The following SETD5 variants were observed in gnomAD, a reference collection of about 807,000 sequenced individuals.
SETD5 encodes SET domain containing 5, also known as histone-lysine N-methyltransferase SETD5.
A neutral mutation model predicts 153.3 loss-of-function variants in SETD5; 44 were observed. That is an observed-to-expected ratio of 0.29 (90% CI 0.23 to 0.37). SETD5 has a LOEUF of 0.37. SETD5 is among the 10% of genes least tolerant of loss of function. SETD5 has a pLI of 1.00. For missense variants in SETD5, 1,544 were observed against 1,768.0 expected (o/e 0.87, Z 2.27); for synonymous variants, 716 against 645.2 (o/e 1.11, Z -1.66).
rs776240013 is a variant in SETD5 at position 9,445,682 on chromosome 3, CAGA to C, written c.1473_1475del (p.Glu492del). On this transcript the variant is annotated inframe_deletion, in exon 13 of 23. Coordinates refer to ENST00000402198, the MANE Select transcript of SETD5 (RefSeq NM_001080517.3). The stretch of plus-strand genomic sequence containing the variant: ...GAAGTAGACAATCCAGAAGAAAAAC[CAGA>C]AGAAGAGAAAGAAGAGGTTATAGAT... 73 of 1,613,542 alleles carry C rather than the reference CAGA, an allele frequency of 4.5e-5. No homozygotes were observed. Among genetic ancestry groups the C allele is most frequent in the Admixed American group, 8.3e-5 (5 of 60,014 alleles).
chr3:9,409,483 A>G (rs2036225623), intron 1 of SETD5, among the ~76,000 whole-genome samples: 1 of 152,158 alleles, frequency 6.6e-6, no homozygotes, highest in East Asian at 1.9e-4. Context: ...AGGTTGTCCT[A>G]CCTTTGTCTG....
chr3:9,448,078 A>AT, intron 15 of SETD5, 72 bp downstream of exon 15: 1 of 1,449,224 alleles, frequency 6.9e-7, no homozygotes, highest in East Asian at 2.4e-5. Flanking sequence ...AGGACCTATA[A>AT]TCCCTAGAAG....
At chr3:9,426,230 T>G (rs1284316654) in intron 2 of SETD5, 4 of 103,898 alleles carry the variant, frequency 3.8e-5, no homozygotes, top group African/African-American at 2.4e-4. Context: ...TTTTTTTTTT[T>G]TTTTTTTTTT....
chr3:9,435,692 T>A, intron 6 of SETD5, 36 bp from the exon 7 acceptor site: 1 of 1,507,924 alleles, frequency 6.6e-7, no homozygotes, highest in Non-Finnish European at 8.9e-7. Context: ...CTTTTGAGGC[T>A]ATTAGTACCT....
chr3:9,399,869 G>A (rs535505813), intron 1 of SETD5, among the ~76,000 whole-genome samples: 8 of 150,384 alleles, frequency 5.3e-5, no homozygotes, highest in Admixed American at 2.0e-4. Flanking sequence ...TGGGGGTGGG[G>A]TAAAGAGAAG....
chr3:9,456,617 T>C (rs1575527835), intron 17 of SETD5, among the ~76,000 whole-genome samples: 2 of 152,278 alleles, frequency 1.3e-5, no homozygotes, highest in East Asian at 3.9e-4. Context: ...AGAGTAATTA[T>C]TATACGGTCA....
At chr3:9,470,117 TACC>T (rs2045133096) in intron 18 of SETD5, among the ~76,000 whole-genome samples, 1 of 152,224 alleles carries the variant, frequency 6.6e-6, no homozygotes, top group Non-Finnish European at 1.5e-5. Flanking sequence ...TTCCTAATTA[TACC>T]ACTTGTCCCT....
rs897030570 is a variant in SETD5, at chr3:9,430,840, C to A, written c.71+1831C>A. The A allele has an allele frequency of 8.0e-5, 79 of 985,388 alleles. No individual in the cohort carries two copies. The Admixed American group carries it at 4.7e-3, about 58-fold the overall frequency. 61.0% of individuals were successfully genotyped at this position (985,388 alleles called of 1,614,324 possible). ...AAATACTTCTGGTCTACAAATGTGACTGCGCTGTCTCTGTTAACACCAACA... is the reference window on the plus strand; with the variant it reads ...AAATACTTCTGGTCTACAAATGTGAATGCGCTGTCTCTGTTAACACCAACA... On this transcript the variant is annotated intron_variant, in intron 3 of 22. Coordinates refer to ENST00000402198, the MANE Select transcript of SETD5 (RefSeq NM_001080517.3).
intron 17 of SETD5, 197 bp downstream of exon 17, chr3:9,454,065 C>A: frequency 2.2e-6 from 1 of 447,736 alleles, no homozygotes; most frequent in Non-Finnish European, 3.7e-6. Flanking sequence ...AAGGACTAGA[C>A]AGTGTACAGA....
intron 1 of SETD5, among the ~76,000 whole-genome samples, chr3:9,417,732 G>A (rs1371982518): frequency 5.9e-5 from 9 of 151,486 alleles, no homozygotes; most frequent in African/African-American, 1.2e-4. Flanking sequence ...TGATCCGCCC[G>A]CCTCGGCCTC....
chr3:9,430,633 C>G (rs1482050517), intron 3 of SETD5: 3 of 210,690 alleles, frequency 1.4e-5, no homozygotes, highest in Non-Finnish European at 2.5e-5. Context: ...GATTGTCTAA[C>G]TGTATAGATA....
chr3:9,426,681 C>G (rs2039297919), intron 2 of SETD5, among the ~76,000 whole-genome samples: 1 of 152,092 alleles, frequency 6.6e-6, no homozygotes, highest in African/African-American at 2.4e-5. Context: ...GTGTGAGCCA[C>G]CGCGCCTGGC....
At chr3:9,433,698 TTAA>T (rs1471372087) in intron 3 of SETD5, 144 bp from the exon 4 acceptor site, 2 of 915,650 alleles carry the variant, frequency 2.2e-6, no homozygotes, top group African/African-American at 1.7e-5. Flanking sequence ...CTTAGTTATG[TTAA>T]TAAGATTGTT....
At chr3:9,466,573 T>C (rs1369541151) in intron 18 of SETD5, among the ~76,000 whole-genome samples, 1 of 152,172 alleles carries the variant, frequency 6.6e-6, no homozygotes, top group Admixed American at 6.5e-5. Flanking sequence ...ATTTTACCTT[T>C]CTCATCAATA....
chr3:9,434,484 A>T lies in SETD5; in HGVS notation c.328A>T (p.Arg110Trp). The T allele has an allele frequency of 6.2e-7, 1 of 1,613,946 alleles. No homozygotes were observed. The highest frequency in any genetic ancestry group is 8.5e-7 in the Non-Finnish European group (1 of 1,179,864). ...DGFLLNCDKCRGMSRGKVIRL... is the reference protein window; with the variant it reads ...DGFLLNCDKCWGMSRGKVIRL... The stretch of plus-strand genomic sequence containing the variant: ...CTTCCTTCTCAACTGTGACAAGTGC[A>T]GGTAAGATCCTGTTCCATCTAAATT... The change falls in exon 5 of 23, where the codon AGG (arginine) becomes TGG (tryptophan). Residue 110 changes from arginine to tryptophan, a missense_variant and splice_region_variant. Physicochemically the swap from Arg to Trp is moderately radical, Grantham distance 101. Around this residue, in one of 9 missense-constraint regions of SETD5, gnomAD observed 251 missense variants for 326.9 expected, o/e 0.77. Transcript: ENST00000402198. This position sits in a 1 kb window ranked among gnomAD's most constrained non-coding sequence, Gnocchi z 5.6.
chr3:9,465,744 G>T (rs1187784483), intron 18 of SETD5, among the ~76,000 whole-genome samples: 1 of 152,120 alleles, frequency 6.6e-6, no homozygotes, highest in African/African-American at 2.4e-5. Flanking sequence ...AAACCTCCTG[G>T]TTACATATCA....
intron 1 of SETD5, among the ~76,000 whole-genome samples, chr3:9,399,907 G>C (rs1375068873): frequency 6.6e-6 from 1 of 152,070 alleles, no homozygotes; most frequent in Admixed American, 6.5e-5. Context: ...GATCACAGGG[G>C]TGAGTATACA....
At chr3:9,437,705 T>C (rs1285885873) in intron 7 of SETD5, among the ~76,000 whole-genome samples, 2 of 152,058 alleles carry the variant, frequency 1.3e-5, no homozygotes, top group Non-Finnish European at 2.9e-5. Context: ...GGCATAAATA[T>C]TAAAATCTTT....
chr3:9,465,639 A>C (rs2044465351), intron 18 of SETD5, among the ~76,000 whole-genome samples: 2 of 152,178 alleles, frequency 1.3e-5, no homozygotes, highest in African/African-American at 4.8e-5. Flanking sequence ...TTTATGAGTA[A>C]CTAAGAGGCA....
Sources: allele counts gnomAD v4.1 joint callset (sites outside exome capture counted in the v4.1 genomes callset), GRCh38; gene constraint gnomAD v4.1.1; regional missense constraint gnomAD v4.1.1; non-coding constraint Gnocchi (gnomAD v3.1); transcripts MANE v1.5; gene names NCBI Gene and HGNC (gene_info 2026-07-23, HGNC 2026-07-21).